SH3BP4: variants seen among roughly 807,000 people sequenced by gnomAD.
The protein encoded by SH3BP4 is SH3 domain-binding protein 4.
SH3BP4 carries 33 observed loss-of-function variants against 65.5 expected under a neutral mutation model. The observed-to-expected ratio is 0.50, with a 90% CI of 0.38 to 0.67. The LOEUF is 0.67. Ranked by LOEUF, SH3BP4 falls within the 30% of genes least tolerant of loss-of-function variation. The pLI, the probability that SH3BP4 is intolerant of heterozygous loss-of-function variation, is 0.00. For missense variants in SH3BP4, 1,134 were observed against 1,261.4 expected (o/e 0.90, Z 1.53); for synonymous variants, 552 against 545.5 (o/e 1.01, Z -0.17).
At chr2:234,955,809 G>C (rs1391331285) in intron 1 of SH3BP4, among the ~76,000 whole-genome samples, 1 of 152,200 alleles carries the variant, frequency 6.6e-6, no homozygotes, top group Non-Finnish European at 1.5e-5. Flanking sequence ...GGCTGCATGT[G>C]TGCCCTTTTG....
chr2:234,999,119 G>A (rs1411945587), intron 2 of SH3BP4, among the ~76,000 whole-genome samples: 1 of 152,224 alleles, frequency 6.6e-6, no homozygotes, highest in Non-Finnish European at 1.5e-5. Context: ...CTGCCGAAGG[G>A]AAGCTGGGGA....
At position 235,053,635 on chromosome 2, in the gene SH3BP4, A is replaced by T; in HGVS notation, c.2711A>T (p.His904Leu). 1 of 1,614,162 alleles carries T rather than the reference A, an allele frequency of 6.2e-7. No individual in the cohort carries two copies. Among genetic ancestry groups the T allele is most frequent in the South Asian group, 1.1e-5 (1 of 91,080 alleles). The stretch of plus-strand genomic sequence containing the variant: ...TATGACTTCTTACTCACCTGGAGCC[A>T]TCAGATCGGGGACAGCTACCGGGAT... ...PAYDFLLTWS[H>L]QIGDSYRDVI... is the part of the protein sequence containing the mutation. The change falls in exon 6 of 6, where the codon CAT (histidine) becomes CTT (leucine). Residue 904 changes from histidine to leucine, a missense_variant. Physicochemically the swap from His to Leu is moderately conservative, Grantham distance 99. Coordinates refer to ENST00000392011, the MANE Select transcript of SH3BP4 (RefSeq NM_014521.3).
intron 2 of SH3BP4, among the ~76,000 whole-genome samples, chr2:235,029,778 C>T (rs1477435409): frequency 2.0e-5 from 3 of 152,192 alleles, no homozygotes; most frequent in Non-Finnish European, 2.9e-5. Flanking sequence ...GTGCGGCACT[C>T]GGGATGGGCG....
Position 235,035,057 on chromosome 2 carries a change from T to C in SH3BP4, c.55T>C (p.Ser19Pro). Reference protein sequence around the residue: ...ANSNGLPRCKSEGTLIDLSEG... With the variant: ...ANSNGLPRCKPEGTLIDLSEG... ...CTCCAATGGCCTCCCTCGCTGCAAG[T>C]CAGAGGGGACCCTGATTGACCTGAG... The change falls in exon 3 of 6, where the codon TCA becomes CCA. Residue 19 changes from serine (S) to proline (P), a missense_variant. Physicochemically the swap from Ser to Pro is moderately conservative, Grantham distance 74 (BLOSUM62 -1). Transcript: ENST00000392011. The surrounding 1 kb of genome is among the most constrained non-coding windows in gnomAD (Gnocchi z 5.0). 6.2e-7 allele frequency: 1 copy of C among 1,614,100 alleles called. No homozygotes were observed.
rs1386019710 is a variant in SH3BP4 at position 235,045,485 on chromosome 2, G to A, written c.2478+2238G>A. Reference sequence around the variant, plus strand: ...CCCTGTCCGCTCCAGGGAGGGGTGTGTCCTCTGTGCCCGAGTCCTTCCGCT... The same window carrying A: ...CCCTGTCCGCTCCAGGGAGGGGTGTATCCTCTGTGCCCGAGTCCTTCCGCT... On this transcript the variant is annotated intron_variant, in intron 4 of 5. Coordinates refer to ENST00000392011, the MANE Select transcript of SH3BP4 (RefSeq NM_014521.3). This position sits in a 1 kb window ranked among gnomAD's most constrained non-coding sequence, Gnocchi z 4.3. Among the ~76,000 whole-genome samples, 1 of 152,168 alleles carries A rather than the reference G, an allele frequency of 6.6e-6. No individual in the cohort carries two copies. Among genetic ancestry groups the A allele is most frequent in the Non-Finnish European group, 1.5e-5 (1 of 68,036 alleles).
rs918923540 is a variant in SH3BP4 at position 235,026,835 on chromosome 2, A to G, written c.-132-8036A>G. On this transcript the variant is annotated intron_variant, in intron 2 of 5. Transcript: ENST00000392011. This position sits in a 1 kb window ranked among gnomAD's most constrained non-coding sequence, Gnocchi z 4.6. ...CAGAGGGGCACTGTGAGTGAGTCTG[A>G]TCGGCTGGCGTGCCTGTCGGTGGCT... Among the ~76,000 whole-genome samples, 2 of 152,002 alleles carry G rather than the reference A, an allele frequency of 1.3e-5. No homozygotes were observed. The highest frequency in any genetic ancestry group is 4.8e-5 in the African/African-American group (2 of 41,390).
chr2:234,965,031 C>T (rs1434782689), intron 1 of SH3BP4, among the ~76,000 whole-genome samples: 2 of 152,194 alleles, frequency 1.3e-5, no homozygotes. Flanking sequence ...ACTTCTCCCT[C>T]CCGGCCTGCT....
Position 234,974,387 on chromosome 2 carries a change from GAA to G in SH3BP4, c.-206-20914_-206-20913del, listed in dbSNP as rs200633718. On this transcript the variant is annotated intron_variant, in intron 1 of 5. Transcript: ENST00000392011. This position sits in a 1 kb window ranked among gnomAD's most constrained non-coding sequence, Gnocchi z 4.6. ...TAAAAAAAAATAAATAAATAAAAGA[GAA>G]AGAGAGATTTGTGAAGGTCATGAGT... 0.011 allele frequency among the ~76,000 whole-genome samples: 1,714 copies of G among 152,158 alleles called. 38 individuals carry two copies. The highest frequency in any genetic ancestry group is 0.039 in the African/African-American group (1,623 of 41,526).
rs1407286380 is a variant in SH3BP4, at chr2:235,035,762, A to G, written c.118+642A>G. 1.3e-5 allele frequency among the ~76,000 whole-genome samples: 2 copies of G among 152,224 alleles called. No homozygotes were observed. The highest frequency in any genetic ancestry group is 2.9e-5 in the Non-Finnish European group (2 of 68,038). On this transcript the variant is annotated intron_variant, in intron 3 of 5. Transcript: ENST00000392011. The surrounding 1 kb of genome is among the most constrained non-coding windows in gnomAD (Gnocchi z 5.0). Reference sequence around the variant, plus strand: ...TGGGTTTCTCCAGTGGCCTCGTAAAATTGAGTTCATGAGAAAACCTATCTT... The same window carrying G: ...TGGGTTTCTCCAGTGGCCTCGTAAAGTTGAGTTCATGAGAAAACCTATCTT...
chr2:235,025,315 G>A (rs1694964894), intron 2 of SH3BP4, among the ~76,000 whole-genome samples: 2 of 152,202 alleles, frequency 1.3e-5, no homozygotes, highest in African/African-American at 4.8e-5. Context: ...GAGCCAAGGT[G>A]TCTGCGGACT....
chr2:234,998,824 A>G (rs1368077938), intron 2 of SH3BP4, among the ~76,000 whole-genome samples: 5 of 152,228 alleles, frequency 3.3e-5, no homozygotes, highest in Non-Finnish European at 7.3e-5. Flanking sequence ...TGGCTTTCAT[A>G]CATCCTTGGG....
rs1265636469 is a variant in SH3BP4, at chr2:234,989,463, G to A, written c.-206-5840G>A. Among the ~76,000 whole-genome samples the A allele has an allele frequency of 3.9e-5, 6 of 152,314 alleles. No individual in the cohort carries two copies. In the East Asian group the frequency reaches 7.7e-4, roughly 20 times the overall value. On this transcript the variant is annotated intron_variant, in intron 1 of 5. Transcript: ENST00000392011. ...ACTCCTGGCATGCAGCCATGTACCC[G>A]GGTGAATGCCCACTTCCGTTTGGCC...
Position 235,035,580 on chromosome 2 carries a change from T to C in SH3BP4, c.118+460T>C, listed in dbSNP as rs1272991567. 6.6e-6 allele frequency among the ~76,000 whole-genome samples: 1 copy of C among 152,260 alleles called. No individual in the cohort carries two copies. The highest frequency in any genetic ancestry group is 2.4e-5 in the African/African-American group (1 of 41,468). ...GTCACAACTATTCATTGCTGCCTCG[T>C]TGCATGAAAGCATCCATGAAGTTAA... On this transcript the variant is annotated intron_variant, in intron 3 of 5. Transcript: ENST00000392011. The surrounding 1 kb of genome is among the most constrained non-coding windows in gnomAD (Gnocchi z 5.0).
intron 2 of SH3BP4, among the ~76,000 whole-genome samples, chr2:235,005,178 G>A (rs1320559474): frequency 1.3e-5 from 2 of 152,172 alleles, no homozygotes; most frequent in Non-Finnish European, 2.9e-5. Flanking sequence ...GAGGCTTGCT[G>A]TGGAAAGGCA....
chr2:235,036,740 A>AAAAAAAAAAAATAAAAATAATAAT (rs146049108), intron 3 of SH3BP4, among the ~76,000 whole-genome samples: 5 of 141,772 alleles, frequency 3.5e-5, no homozygotes, highest in African/African-American at 1.3e-4. Flanking sequence ...TCTATATAAA[A>AAAAAAAAAAAATAAAAATAATAAT]AATAATAATA....
Position 235,027,034 on chromosome 2 carries a change from C to A in SH3BP4, c.-132-7837C>A, listed in dbSNP as rs190888153. On this transcript the variant is annotated intron_variant, in intron 2 of 5. Transcript: ENST00000392011. ...GAGCATTAGGAAAGGTTCTGCTGAT[C>A]AGGCTTCTGTAACAGGCGGGGCATC... Among the ~76,000 whole-genome samples the A allele has an allele frequency of 9.2e-5, 14 of 152,360 alleles. 1 individual carries two copies. The East Asian group carries it at 2.1e-3, about 23-fold the overall frequency.
intron 2 of SH3BP4, among the ~76,000 whole-genome samples, chr2:235,021,498 C>G (rs1026117795): frequency 4.6e-5 from 7 of 151,462 alleles, no homozygotes; most frequent in Admixed American, 6.6e-5. Flanking sequence ...TGGCACATGC[C>G]TGTAATCCCA....
chr2:235,016,141 GGGGGAGGAGAAGTGA>G (rs1694678827), intron 2 of SH3BP4, among the ~76,000 whole-genome samples: 2 of 132,524 alleles, frequency 1.5e-5, no homozygotes, highest in African/African-American at 5.5e-5. Context: ...GTGGGGGGTG[GGGGGAGGAGAAGTGA>G]GGGGAGAGGG....
intron 1 of SH3BP4, among the ~76,000 whole-genome samples, chr2:234,990,011 A>C (rs573774598): frequency 9.9e-5 from 15 of 152,274 alleles, no homozygotes; most frequent in Middle Eastern, 3.2e-3. Context: ...TCAAAACTCC[A>C]GAACAAAATT....
Sources: allele counts gnomAD v4.1 joint callset (sites outside exome capture counted in the v4.1 genomes callset), GRCh38; gene constraint gnomAD v4.1.1; non-coding constraint Gnocchi (gnomAD v3.1); transcripts MANE v1.5; gene names NCBI Gene and HGNC (gene_info 2026-07-23, HGNC 2026-07-21).